HDAC9: variants seen among roughly 807,000 people sequenced by gnomAD.
The protein encoded by HDAC9 is histone deacetylase 9.
In HDAC9, 41 loss-of-function variants were observed where a neutral mutation model predicts 139.4. The observed-to-expected ratio is 0.29, with a 90% CI of 0.23 to 0.38. The LOEUF (loss-of-function observed/expected upper bound fraction) is 0.38, where lower values mean the gene tolerates loss of function less well. HDAC9 is among the 10% of genes least tolerant of loss of function. The pLI, the probability that HDAC9 is intolerant of heterozygous loss-of-function variation, is 1.00. For missense variants in HDAC9, 1,147 were observed against 1,297.0 expected (o/e 0.88, Z 1.78); for synonymous variants, 517 against 476.2 (o/e 1.09, Z -1.12).
intron 21 of HDAC9, among the ~76,000 whole-genome samples, chr7:18,843,878 G>T (rs183614806): frequency 3.9e-5 from 6 of 152,036 alleles, no homozygotes; most frequent in Admixed American, 2.6e-4. Flanking sequence ...ACTTTCCCAC[G>T]TGGAGGAATC....
At chr7:18,817,369 C>G (rs2129195987) in intron 17 of HDAC9, among the ~76,000 whole-genome samples, 1 of 152,132 alleles carries the variant, frequency 6.6e-6, no homozygotes, top group East Asian at 1.9e-4. Flanking sequence ...CCTGTTACAA[C>G]AAATATCACA....
chr7:18,172,181 AT>A (rs1318257938), intron 2 of HDAC9, among the ~76,000 whole-genome samples: 1 of 152,116 alleles, frequency 6.6e-6, no homozygotes, highest in African/African-American at 2.4e-5. Context: ...GGGAGGGTGT[AT>A]GTGTCTAGGA....
chr7:18,534,542 G>A (rs1810208795), intron 2 of HDAC9, among the ~76,000 whole-genome samples: 1 of 152,004 alleles, frequency 6.6e-6, no homozygotes, highest in Admixed American at 6.6e-5. Flanking sequence ...ATAAGACCTT[G>A]TCTAAAAAAA....
intron 2 of HDAC9, among the ~76,000 whole-genome samples, chr7:18,265,863 T>G (rs1014501335): frequency 6.6e-6 from 1 of 152,152 alleles, no homozygotes; most frequent in Non-Finnish European, 1.5e-5. Context: ...ACAGATAATA[T>G]TGCTCAAAGA....
At chr7:18,852,924 A>C (rs927996112) in intron 21 of HDAC9, among the ~76,000 whole-genome samples, 3 of 152,050 alleles carry the variant, frequency 2.0e-5, no homozygotes, top group Non-Finnish European at 2.9e-5. Context: ...GAAAGGATCC[A>C]TCGAGGAAAA....
chr7:18,236,965 C>T (rs1261031188), intron 2 of HDAC9, among the ~76,000 whole-genome samples: 3 of 152,170 alleles, frequency 2.0e-5, no homozygotes, highest in African/African-American at 7.2e-5. Context: ...GAGACTTTCT[C>T]AGTTTTAACA....
intron 13 of HDAC9, among the ~76,000 whole-genome samples, chr7:18,748,252 A>G (rs1436763269): frequency 3.3e-5 from 5 of 152,210 alleles, no homozygotes; most frequent in Admixed American, 3.3e-4. Context: ...TTCCCATCAT[A>G]AGGCTTACTT....
chr7:18,272,712 A>G (rs1036717030), intron 2 of HDAC9, among the ~76,000 whole-genome samples: 6 of 152,310 alleles, frequency 3.9e-5, no homozygotes, highest in South Asian at 2.1e-4. Context: ...GGATAAGTCA[A>G]TGTTATAAAT....
intron 6 of HDAC9, among the ~76,000 whole-genome samples, chr7:18,619,978 T>C (rs1032013531): frequency 7.9e-5 from 12 of 152,194 alleles, no homozygotes; most frequent in Non-Finnish European, 1.5e-4. Flanking sequence ...CACGTGGCAC[T>C]GATCCCAGTT....
chr7:18,689,607 G>C (rs923090570), intron 12 of HDAC9, among the ~76,000 whole-genome samples: 5 of 151,894 alleles, frequency 3.3e-5, no homozygotes, highest in Non-Finnish European at 7.4e-5. Context: ...GTTGGCTTAC[G>C]GTTTTACAGC....
At chr7:18,150,174 T>C (rs757898171) in intron 1 of HDAC9, among the ~76,000 whole-genome samples, 2 of 151,896 alleles carry the variant, frequency 1.3e-5, no homozygotes, top group Non-Finnish European at 2.9e-5. Context: ...CATTTTTAAA[T>C]AAAGAGCACC....
At chr7:18,451,249 G>A (rs1397230693) in intron 1 of HDAC9, among the ~76,000 whole-genome samples, 1 of 151,910 alleles carries the variant, frequency 6.6e-6, no homozygotes, top group African/African-American at 2.4e-5. Flanking sequence ...CTAGCCCCTC[G>A]ATTCTGGACT....
At chr7:18,297,175 T>C (rs185062311) in intron 1 of HDAC9, among the ~76,000 whole-genome samples, 2 of 152,308 alleles carry the variant, frequency 1.3e-5, no homozygotes, top group East Asian at 3.9e-4. Context: ...GGAATGCCCA[T>C]AGCTAATGGT....
intron 1 of HDAC9, among the ~76,000 whole-genome samples, chr7:18,124,897 T>G (rs1365911764): frequency 7.2e-6 from 1 of 139,788 alleles, no homozygotes; most frequent in Non-Finnish European, 1.6e-5. Flanking sequence ...TTCTTTCTTT[T>G]TCTTTTTTTT....
At chr7:18,837,559 C>A (rs776197859) in intron 21 of HDAC9, among the ~76,000 whole-genome samples, 1 of 152,026 alleles carries the variant, frequency 6.6e-6, no homozygotes, top group African/African-American at 2.4e-5. Flanking sequence ...AAATTCTCAA[C>A]CTTACTATCT....
intron 21 of HDAC9, among the ~76,000 whole-genome samples, chr7:18,843,915 A>G (rs1796745705): frequency 6.6e-6 from 1 of 152,124 alleles, no homozygotes; most frequent in Admixed American, 6.5e-5. Flanking sequence ...TGCTCAACTG[A>G]AGGTCTGTTC....
chr7:18,924,897 A>T (rs17140286), intron 22 of HDAC9, among the ~76,000 whole-genome samples: 3,472 of 152,276 alleles, frequency 0.023, 129 homozygotes, highest in African/African-American at 0.079. Flanking sequence ...AAGTGTTGCC[A>T]TGGCCATCAT....
At chr7:18,867,728 T>C (rs1279362009) in intron 21 of HDAC9, among the ~76,000 whole-genome samples, 2 of 152,106 alleles carry the variant, frequency 1.3e-5, no homozygotes, top group African/African-American at 4.8e-5. Flanking sequence ...TTCCGAAAAA[T>C]TATCTTCTGT....
At chr7:18,982,190 A>G (rs997756745) in intron 25 of HDAC9, among the ~76,000 whole-genome samples, 1 of 152,184 alleles carries the variant, frequency 6.6e-6, no homozygotes, top group Admixed American at 6.5e-5. Flanking sequence ...AAGTATCATC[A>G]TCTCTCATCC....
Sources: gnomAD v4.1 joint callset for allele counts (sites outside exome capture counted in the v4.1 genomes callset) on GRCh38, gnomAD v4.1.1 for gene constraint, MANE v1.5 for transcripts, NCBI Gene and HGNC (gene_info 2026-07-23, HGNC 2026-07-21) for gene names.